The following SCNN1D variants were observed in gnomAD, a reference collection of about 807,000 sequenced individuals.
SCNN1D encodes sodium channel epithelial 1 subunit delta, also known as epithelial sodium channel subunit delta.
SCNN1D carries 104 observed loss-of-function variants against 87.8 expected under a neutral mutation model. The observed-to-expected ratio is 1.18, with a 90% CI of 1.01 to 1.39. The LOEUF is 1.39. Among genes scored for constraint, SCNN1D ranks in the 40% most tolerant of loss-of-function variants. The pLI, the probability that SCNN1D is intolerant of heterozygous loss-of-function variation, is 0.00. For synonymous variants in SCNN1D, 628 were observed against 481.2 expected (o/e 1.31, Z -3.99); for missense variants, 1,324 against 1,093.9 (o/e 1.21, Z -2.97).
Position 1,287,585 on chromosome 1 carries a change from G to A in SCNN1D, c.1388G>A (p.Gly463Asp). The A allele has an allele frequency of 6.3e-7, 1 of 1,596,756 alleles. No homozygotes were observed. Among genetic ancestry groups the A allele is most frequent in the Non-Finnish European group, 8.5e-7 (1 of 1,169,964 alleles). ...GGCGTCTGGACAGCTCAGCGCCCCG[G>A]CATCACCCACGGTGGGTGCCAGCCC... is the stretch of plus-strand genomic sequence containing the variant. ...VDGVWTAQRP[G>D]ITHGVGLVLR... The change falls in exon 10 of 18, where the codon GGC becomes GAC. Residue 463 changes from glycine to aspartate, a missense_variant. Transcript: ENST00000379116.
In SCNN1D at chr1:1,290,323, GCTA is replaced by G. The variant is rs1640759285; in HGVS notation, c.1720_1722del (p.Tyr574del). On this transcript the variant is annotated inframe_deletion, in exon 13 of 18. Coordinates refer to ENST00000379116, the MANE Select transcript of SCNN1D (RefSeq NM_001130413.4). ...CTGATGGTGGAGACCTGCTCCTGTG[GCTA>G]CTACCTCCACCCTCTGCCGGCGGGG... 6.3e-7 allele frequency: 1 copy of G among 1,594,188 alleles called. No homozygotes were observed. The highest frequency in any genetic ancestry group is 1.3e-5 in the African/African-American group (1 of 74,746).
Position 1,290,322 on chromosome 1 carries a change from G to A in SCNN1D, c.1714G>A (p.Gly572Ser), listed in dbSNP as rs1430605464. ...GCTGATGGTGGAGACCTGCTCCTGTGGCTACTACCTCCACCCTCTGCCGGC... is the reference window on the plus strand; with the variant it reads ...GCTGATGGTGGAGACCTGCTCCTGTAGCTACTACCTCCACCCTCTGCCGGC... ...QQLMVETCSC[G>S]YYLHPLPAGA... The change falls in exon 13 of 18, where the codon GGC (glycine) becomes AGC (serine). Residue 572 changes from glycine to serine, a missense_variant. Gly to Ser is a moderately conservative substitution (Grantham distance 56). Coordinates refer to ENST00000379116, the MANE Select transcript of SCNN1D (RefSeq NM_001130413.4). 6.3e-7 allele frequency: 1 copy of A among 1,594,046 alleles called. No homozygotes were observed.
Position 1,290,902 on chromosome 1 carries a change from C to T in SCNN1D, c.1925C>T (p.Thr642Ile), listed in dbSNP as rs745831649. ...CAAACCTTCCGTCTGCAGGGATGGACTCTGGCCACGCTAGGTGAACAGGGG... is the reference window on the plus strand; with the variant it reads ...CAAACCTTCCGTCTGCAGGGATGGATTCTGGCCACGCTAGGTGAACAGGGG... ...RWPSAKSAGWTLATLGEQGLP... is the reference protein window; with the variant it reads ...RWPSAKSAGWILATLGEQGLP... The change falls in exon 16 of 18, where the codon ACT becomes ATT. Residue 642 changes from threonine (T) to isoleucine (I), a missense_variant. Transcript: ENST00000379116. 1 of 1,610,086 alleles carries T rather than the reference C, an allele frequency of 6.2e-7. No individual in the cohort carries two copies. Among genetic ancestry groups the T allele is most frequent in the Non-Finnish European group, 8.5e-7 (1 of 1,178,970 alleles).
rs768507177 is a variant in SCNN1D at position 1,287,571 on chromosome 1, A to C, written c.1374A>C (p.Thr458=). Residue 458 remains threonine (T), a synonymous_variant, in exon 10 of 18, where the codon ACA becomes ACC. Coordinates refer to ENST00000379116, the MANE Select transcript of SCNN1D (RefSeq NM_001130413.4). The part of the protein sequence containing the change: ...GSCYTVDGVW[T]AQRPGITHGV... ...GCTACACGGTCGATGGCGTCTGGAC[A>C]GCTCAGCGCCCCGGCATCACCCACG... 8.2e-6 allele frequency: 13 copies of C among 1,584,280 alleles called. No homozygotes were observed. In the South Asian group the frequency reaches 1.5e-4, roughly 18 times the overall value.
In SCNN1D at chr1:1,287,119, C is replaced by G. The variant is rs143319964; in HGVS notation, c.1130C>G (p.Thr377Arg). 294 of 1,593,978 alleles carry G rather than the reference C, an allele frequency of 1.8e-4. No individual in the cohort carries two copies. Among genetic ancestry groups the G allele is most frequent in the Non-Finnish European group, 2.4e-4 (281 of 1,166,424 alleles). The change falls in exon 9 of 18, where the codon ACG becomes AGG. Residue 377 changes from threonine to arginine, a missense_variant. Coordinates refer to ENST00000379116, the MANE Select transcript of SCNN1D (RefSeq NM_001130413.4). ...CCTCCCCTCTCCCAGTGCAACAGCA[C>G]GGGCGGCGACTGCTTTTACCGAGGC... ...VRVGFRLCNS[T>R]GGDCFYRGYT...
intron 12 of SCNN1D, among the ~76,000 whole-genome samples, chr1:1,289,716 C>T (rs866229246): frequency 0.38 from 79 of 210 alleles, 19 homozygotes; most frequent in Non-Finnish European, 0.47. Flanking sequence ...GTCCCGTGTC[C>T]CTGCTCCGTC....
chr1:1,290,382 G>T lies in SCNN1D; in HGVS notation c.1774G>T (p.Ala592Ser). ...AEYCSSARHPAWGHCFYRLYQ... is the reference protein window; with the variant it reads ...AEYCSSARHPSWGHCFYRLYQ... ...GTACTGCAGCTCTGCCCGGCACCCT[G>T]CCTGGGGTGAGTCCTGCTCGCTGCC... The change falls in exon 13 of 18, where the codon GCC becomes TCC. Residue 592 changes from alanine (A) to serine (S), a missense_variant. Ala to Ser is a moderately conservative substitution (Grantham distance 99). Transcript: ENST00000379116. The T allele has an allele frequency of 6.2e-7, 1 of 1,603,394 alleles. No homozygotes were observed. The highest frequency in any genetic ancestry group is 8.5e-7 in the Non-Finnish European group (1 of 1,173,962).
chr1:1,284,097 TGGGGGG>T lies in SCNN1D; in HGVS notation c.464+11_464+16del. The T allele has an allele frequency of 1.5e-5, 1 of 64,860 alleles. No homozygotes were observed. Among genetic ancestry groups the T allele is most frequent in the Non-Finnish European group, 1.7e-5 (1 of 57,362 alleles). 4.0% of individuals were successfully genotyped at this position (64,860 alleles called of 1,614,324 possible). A position where few individuals can be genotyped will look rare whatever the true frequency, so the allele number is the denominator to read the frequency against. ...GGGGGGCTCTCACCTCCAGGTACCG[TGGGGGG>T]GGGTGAGGGGGGTGGGGGGGTTGGG... On this transcript the variant is annotated splice_region_variant and intron_variant, in intron 5 of 17. Coordinates refer to ENST00000379116, the MANE Select transcript of SCNN1D (RefSeq NM_001130413.4).
At position 1,287,689 on chromosome 1, in the gene SCNN1D, C is replaced by T. The variant is rs1008080852; in HGVS notation, c.1416C>T (p.Leu472=). 6 of 1,611,306 alleles carry T rather than the reference C, an allele frequency of 3.7e-6. No individual in the cohort carries two copies. The highest frequency in any genetic ancestry group is 5.1e-6 in the Non-Finnish European group (6 of 1,179,320). The change falls in exon 11 of 18, where the codon CTC becomes CTT. Residue 472 remains leucine, a synonymous_variant. Transcript: ENST00000379116. ...PGITHGVGLV[L]RVEQQPHLPL... ...GCCTCCCAGGAGTCGGCCTGGTCCT[C>T]AGGGTTGAGCAGCAGCCTCACCTCC...
intron 15 of SCNN1D, 89 bp downstream of exon 15, chr1:1,290,783 C>T (rs956332323): frequency 8.2e-6 from 13 of 1,582,176 alleles, no homozygotes; most frequent in Admixed American, 3.4e-5. Context: ...AGGGCAGGGC[C>T]GGAACTGACC....
chr1:1,287,622 G>C (rs776397044), intron 10 of SCNN1D, 26 bp downstream of exon 10: 1 of 1,609,686 alleles, frequency 6.2e-7, no homozygotes, highest in Non-Finnish European at 8.5e-7. Flanking sequence ...TGGCCGGTGC[G>C]GGGGCAGGGG....
At position 1,285,561 on chromosome 1, in the gene SCNN1D, C is replaced by T. The variant is rs976209607; in HGVS notation, c.465-10C>T. 6.6e-6 allele frequency: 10 copies of T among 1,515,924 alleles called. No individual in the cohort carries two copies. The highest frequency in any genetic ancestry group is 1.8e-4 in the Middle Eastern group (1 of 5,652). 93.9% of individuals were successfully genotyped at this position (1,515,924 alleles called of 1,614,324 possible). ...CGCATGGACACGCTACCGTACTTGC[C>T]TTTGGGTAGATCGCCTGGGCCTGTG... On this transcript the variant is annotated splice_polypyrimidine_tract_variant and intron_variant, in intron 5 of 17. Coordinates refer to ENST00000379116, the MANE Select transcript of SCNN1D (RefSeq NM_001130413.4).
At position 1,286,840 on chromosome 1, in the gene SCNN1D, C is replaced by G. The variant is rs140233249; in HGVS notation, c.984C>G (p.Asn328Lys). Residue 328 changes from asparagine (N) to lysine (K), a missense_variant, in exon 8 of 18, where the codon AAC (asparagine) becomes AAG (lysine). Physicochemically the swap from Asn to Lys is moderately conservative, Grantham distance 94 (BLOSUM62 0). Coordinates refer to ENST00000379116, the MANE Select transcript of SCNN1D (RefSeq NM_001130413.4). The part of the protein sequence containing the change: ...FARENIDSLY[N>K]VNLSKGRAAL... Reference sequence around the variant, plus strand: ...GGGAGAACATTGACTCCCTGTACAACGTCAACCTCAGCAAAGGCAGAGCCG... The same window carrying G: ...GGGAGAACATTGACTCCCTGTACAAGGTCAACCTCAGCAAAGGCAGAGCCG... 1.2e-6 allele frequency: 2 copies of G among 1,612,696 alleles called. No homozygotes were observed. Among genetic ancestry groups the G allele is most frequent in the East Asian group, 2.2e-5 (1 of 44,878 alleles).
At position 1,282,325 on chromosome 1, in the gene SCNN1D, C is replaced by T. The variant is rs1557579051; in HGVS notation, c.351+10C>T. ...CTTCCAGAGCCGGCAGGCAGGTGAC[C>T]TCACCCTCCTCAGAGCCATGGCTCT... On this transcript the variant is annotated intron_variant, in intron 4 of 17. Transcript: ENST00000379116. 1.9e-6 allele frequency: 3 copies of T among 1,550,008 alleles called. No individual in the cohort carries two copies. Among genetic ancestry groups the T allele is most frequent in the East Asian group, 2.4e-5 (1 of 40,926 alleles).
intron 5 of SCNN1D, among the ~76,000 whole-genome samples, chr1:1,284,387 T>C (rs1257828688): frequency 2.0e-5 from 3 of 149,296 alleles, no homozygotes; most frequent in African/African-American, 7.4e-5. Flanking sequence ...GGGGGTCTCT[T>C]TCCGATGCCT....
chr1:1,291,463 G>T lies in SCNN1D; in HGVS notation c.2262G>T (p.Gln754His), dbSNP rs374381211. 2 of 1,608,362 alleles carry T rather than the reference G, an allele frequency of 1.2e-6. No homozygotes were observed. The highest frequency in any genetic ancestry group is 1.7e-6 in the Non-Finnish European group (2 of 1,177,268). Reference protein sequence around the residue: ...GASSIKPEASQMPPPAGGTSD... With the variant: ...GASSIKPEASHMPPPAGGTSD... Reference sequence around the variant, plus strand: ...CCAGCATCAAGCCAGAGGCCAGTCAGATGCCCCCGCCTGCAGGCGGCACGT... The same window carrying T: ...CCAGCATCAAGCCAGAGGCCAGTCATATGCCCCCGCCTGCAGGCGGCACGT... Residue 754 changes from glutamine (Q) to histidine (H), a missense_variant, in exon 18 of 18, where the codon CAG (glutamine) becomes CAT (histidine). Gln to His is a conservative substitution (Grantham distance 24). Transcript: ENST00000379116.
In SCNN1D at chr1:1,287,903, G is replaced by A. The variant is rs1449340275; in HGVS notation, c.1564-36G>A. The A allele has an allele frequency of 2.0e-6, 3 of 1,525,464 alleles. No individual in the cohort carries two copies. In the African/African-American group the frequency reaches 4.1e-5, roughly 21 times the overall value. 94.5% of individuals were successfully genotyped at this position (1,525,464 alleles called of 1,614,324 possible). Reference sequence around the variant, plus strand: ...GCCCAACCTGGGCTTTGGGGGGTGAGGGCAGGGCCCATGGAACTGAAGCGT... The same window carrying A: ...GCCCAACCTGGGCTTTGGGGGGTGAAGGCAGGGCCCATGGAACTGAAGCGT... On this transcript the variant is annotated intron_variant, in intron 11 of 17. Coordinates refer to ENST00000379116, the MANE Select transcript of SCNN1D (RefSeq NM_001130413.4).
At position 1,291,400 on chromosome 1, in the gene SCNN1D, G is replaced by T; in HGVS notation, c.2199G>T (p.Trp733Cys). 6.2e-7 allele frequency: 1 copy of T among 1,608,538 alleles called. No individual in the cohort carries two copies. Among genetic ancestry groups the T allele is most frequent in the Non-Finnish European group, 8.5e-7 (1 of 1,178,418 alleles). The change falls in exon 18 of 18, where the codon TGG becomes TGT. Residue 733 changes from tryptophan to cysteine, a missense_variant. Trp to Cys is a radical substitution (Grantham distance 215). Transcript: ENST00000379116. Reference protein sequence around the residue: ...VLGGRRLRRAWFSWPRASPAS... With the variant: ...VLGGRRLRRACFSWPRASPAS... ...GCGGCCGCCGGCTCCGCAGGGCGTG[G>T]TTCTCCTGGCCCAGAGCCAGCCCTG... is the stretch of plus-strand genomic sequence containing the variant.
At chr1:1,281,152 G>C in intron 1 of SCNN1D, 74 bp from the exon 2 acceptor site, 1 of 1,409,908 alleles carries the variant, frequency 7.1e-7, no homozygotes, top group Non-Finnish European at 9.6e-7. Flanking sequence ...GCTCACCCCA[G>C]GGGAGGAAAC....
Sources: allele counts gnomAD v4.1 joint callset (sites outside exome capture counted in the v4.1 genomes callset), GRCh38; gene constraint gnomAD v4.1.1; transcripts MANE v1.5; gene names NCBI Gene and HGNC (gene_info 2026-07-23, HGNC 2026-07-21).